Variants in KCNQ5 observed in about 807,000 individuals in gnomAD.
The protein encoded by KCNQ5 is potassium voltage-gated channel subfamily Q member 5.
A neutral mutation model predicts 98.2 loss-of-function variants in KCNQ5; 30 were observed. The observed-to-expected ratio is 0.31, with a 90% CI of 0.23 to 0.41. The LOEUF (loss-of-function observed/expected upper bound fraction) is 0.41. KCNQ5 is among the 10% of genes least tolerant of loss of function. The pLI is 1.00. For synonymous variants in KCNQ5, 458 were observed against 449.4 expected (o/e 1.02, Z -0.24); for missense variants, 835 against 1,182.5 (o/e 0.71, Z 4.31).
chr6:72,882,003 C>T (rs1778650821), intron 1 of KCNQ5, among the ~76,000 whole-genome samples: 1 of 151,972 alleles, frequency 6.6e-6, no homozygotes, highest in Admixed American at 6.6e-5. Flanking sequence ...ATGTAGATTA[C>T]CTTTTGAGAC....
chr6:72,803,303 C>A (rs1031160014), intron 1 of KCNQ5, among the ~76,000 whole-genome samples: 12 of 152,166 alleles, frequency 7.9e-5, no homozygotes, highest in Admixed American at 6.6e-4. Flanking sequence ...AAAATCTGGG[C>A]TGCGAACAGA....
At chr6:73,192,346 C>T (rs927923363) in intron 12 of KCNQ5, among the ~76,000 whole-genome samples, 2 of 152,154 alleles carry the variant, frequency 1.3e-5, no homozygotes, top group Non-Finnish European at 2.9e-5. Context: ...GAAGATCACC[C>T]ATAAGTGATT....
intron 1 of KCNQ5, among the ~76,000 whole-genome samples, chr6:72,971,342 A>T (rs1236700675): frequency 6.6e-6 from 1 of 152,192 alleles, no homozygotes; most frequent in Non-Finnish European, 1.5e-5. Context: ...AAAGTCAGGA[A>T]ACAACCGGTG....
chr6:73,083,548 T>C (rs1002017237), intron 5 of KCNQ5, among the ~76,000 whole-genome samples: 3 of 152,106 alleles, frequency 2.0e-5, no homozygotes, highest in Non-Finnish European at 4.4e-5. Context: ...GTGAGATTTA[T>C]GCAAAAAAGA....
intron 1 of KCNQ5, among the ~76,000 whole-genome samples, chr6:72,859,055 C>T (rs935495859): frequency 5.3e-5 from 8 of 152,080 alleles, no homozygotes; most frequent in African/African-American, 1.7e-4. Context: ...TAGTTTTCAT[C>T]CTTATTCAGA....
chr6:72,738,365 A>G (rs1217248402), intron 1 of KCNQ5, among the ~76,000 whole-genome samples: 1 of 152,008 alleles, frequency 6.6e-6, no homozygotes, highest in African/African-American at 2.4e-5. Flanking sequence ...TAGAATCCAG[A>G]TATTCTGGTG....
At chr6:72,681,282 C>A (rs187292978) in intron 1 of KCNQ5, among the ~76,000 whole-genome samples, 41 of 152,326 alleles carry the variant, frequency 2.7e-4, no homozygotes, top group Non-Finnish European at 3.7e-4. Flanking sequence ...ATTATGATAA[C>A]AATAACAATG....
intron 1 of KCNQ5, among the ~76,000 whole-genome samples, chr6:72,752,873 A>G (rs1771756886): frequency 6.6e-6 from 1 of 152,164 alleles, no homozygotes; most frequent in Non-Finnish European, 1.5e-5. Context: ...ACAGTAACAA[A>G]GGACAGGAAG....
intron 1 of KCNQ5, among the ~76,000 whole-genome samples, chr6:72,670,664 T>C (rs1401128514): frequency 3.3e-5 from 5 of 152,222 alleles, no homozygotes; most frequent in African/African-American, 1.2e-4. Context: ...GCCAGCCAGT[T>C]CGGTTCTTGG....
At chr6:73,177,270 C>T (rs9343015) in intron 11 of KCNQ5, among the ~76,000 whole-genome samples, 55,106 of 152,048 alleles carry the variant, frequency 0.36, 11,119 homozygotes, top group East Asian at 0.57. Context: ...ACCAGAATCT[C>T]TCACTCTAAT....
chr6:72,808,559 G>T (rs934520175), intron 1 of KCNQ5, among the ~76,000 whole-genome samples: 3 of 152,082 alleles, frequency 2.0e-5, no homozygotes, highest in African/African-American at 7.2e-5. Flanking sequence ...AAAATAAATA[G>T]AAAGGCCCTT....
At chr6:72,895,133 A>AG (rs1779197145) in intron 1 of KCNQ5, among the ~76,000 whole-genome samples, 2 of 150,502 alleles carry the variant, frequency 1.3e-5, no homozygotes, top group African/African-American at 4.9e-5. Context: ...AAAAAAAAAA[A>AG]AAAAAATTAG....
intron 7 of KCNQ5, among the ~76,000 whole-genome samples, chr6:73,117,272 C>G (rs1775542966): frequency 6.6e-6 from 1 of 152,154 alleles, no homozygotes; most frequent in Non-Finnish European, 1.5e-5. Context: ...GACCTAAGAA[C>G]AAAATAAAGT....
At chr6:73,000,532 G>C (rs1431277385) in intron 1 of KCNQ5, among the ~76,000 whole-genome samples, 1 of 152,030 alleles carries the variant, frequency 6.6e-6, no homozygotes, top group Non-Finnish European at 1.5e-5. Flanking sequence ...ACATTTCCAC[G>C]TGGATGTCTA....
intron 7 of KCNQ5, 148 bp from the exon 8 acceptor site, chr6:73,120,334 GC>G (rs2150438822): frequency 2.3e-6 from 1 of 443,082 alleles, no homozygotes; most frequent in African/African-American, 2.0e-5. Flanking sequence ...TGCCAAAGTA[GC>G]CTTCTTCCTC....
At chr6:72,911,304 A>C (rs1340247926) in intron 1 of KCNQ5, among the ~76,000 whole-genome samples, 2 of 152,124 alleles carry the variant, frequency 1.3e-5, no homozygotes, top group African/African-American at 2.4e-5. Flanking sequence ...GCCCTGATGA[A>C]TGTTATTAAT....
rs1406459044 is a variant in KCNQ5 at position 73,197,577 on chromosome 6, GCATACACACACACACA to G, written c.*2166_*2181del. On this transcript the variant is annotated 3_prime_UTR_variant, in exon 14 of 14. Transcript: ENST00000370398. ...TGTGATTCCCCCTTGCAAGAATGTT[GCATACACACACACACA>G]CACACACACACACACACACACACAC... 3.7e-5 allele frequency: 4 copies of G among 107,014 alleles called. No individual in the cohort carries two copies. Among genetic ancestry groups the G allele is most frequent in the East Asian group, 3.1e-4 (1 of 3,248 alleles). 6.6% of individuals were successfully genotyped at this position (107,014 alleles called of 1,614,324 possible).
intron 1 of KCNQ5, among the ~76,000 whole-genome samples, chr6:72,756,755 T>C (rs1329901414): frequency 6.6e-6 from 1 of 152,116 alleles, no homozygotes; most frequent in African/African-American, 2.4e-5. Flanking sequence ...TTTTTATTCC[T>C]ATAAATATTA....
At chr6:72,722,834 T>C (rs1158794630) in intron 1 of KCNQ5, among the ~76,000 whole-genome samples, 2 of 150,484 alleles carry the variant, frequency 1.3e-5, no homozygotes, top group Non-Finnish European at 2.9e-5. Context: ...GAAAGGAGTA[T>C]TAGGGTTTGG....
Sources: gnomAD v4.1 joint callset for allele counts (sites outside exome capture counted in the v4.1 genomes callset) on GRCh38, gnomAD v4.1.1 for gene constraint, MANE v1.5 for transcripts, NCBI Gene and HGNC (gene_info 2026-07-23, HGNC 2026-07-21) for gene names.